The following APC variants were observed in gnomAD, a reference collection of about 807,000 sequenced individuals.
The protein encoded by APC is APC regulator of Wnt signaling pathway, also known as adenomatous polyposis coli protein.
In APC, 72 loss-of-function variants were observed where a neutral mutation model predicts 247.0. The ratio of observed to expected loss-of-function variants is 0.29; its 90% confidence interval spans 0.24 to 0.35. The LOEUF is 0.35. Ranked by LOEUF, APC falls within the 10% of genes least tolerant of loss-of-function variation. The pLI, the probability that APC is intolerant of heterozygous loss-of-function variation, is 1.00. For synonymous variants in APC, 1,254 were observed against 1,162.5 expected (o/e 1.08, Z -1.60); for missense variants, 3,400 against 3,360.7 (o/e 1.01, Z -0.29).
chr5:112,758,620 G>A (rs948343036), intron 2 of APC, among the ~76,000 whole-genome samples: 2 of 147,884 alleles, frequency 1.4e-5, no homozygotes, highest in African/African-American at 5.0e-5. Flanking sequence ...CACCACGCCT[G>A]GCCCCCTCCC....
Position 112,766,385 on chromosome 5 carries a change from G to T in APC, c.195G>T (p.Gln65His). The T allele has an allele frequency of 6.2e-7, 1 of 1,611,952 alleles. No homozygotes were observed. The highest frequency in any genetic ancestry group is 8.5e-7 in the Non-Finnish European group (1 of 1,178,254). Residue 65 changes from glutamine (Q) to histidine (H), a missense_variant, in exon 3 of 16, where the codon CAG becomes CAT. This residue lies in a region of APC where 372 missense variants were observed against 367.6 expected (regional missense o/e 1.01). Coordinates refer to ENST00000257430, the MANE Select transcript of APC (RefSeq NM_000038.6). ...IEDEAMASSG[Q>H]IDLLERLKEL... ...ATGAAGCTATGGCTTCTTCTGGACA[G>T]ATTGATTTATTAGAGCGTCTTAAAG...
At position 112,845,928 on chromosome 5, in the gene APC, C is replaced by G. The variant is rs1766951648; in HGVS notation, c.*1802C>G. 4.3e-6 allele frequency: 1 copy of G among 232,086 alleles called. No individual in the cohort carries two copies. The highest frequency in any genetic ancestry group is 8.5e-6 in the Non-Finnish European group (1 of 117,392). The allele number at this position is 232,086 out of a possible 1,614,324, so 14.4% of individuals were successfully genotyped here. On this transcript the variant is annotated 3_prime_UTR_variant, in exon 16 of 16. Coordinates refer to ENST00000257430, the MANE Select transcript of APC (RefSeq NM_000038.6). ...GGCACTCAGATAGGAGTGAATACAC[C>G]TACCTGGTGCCTTGAAAATCACATC...
chr5:112,712,931 G>A (rs1354828542), intron 1 of APC, among the ~76,000 whole-genome samples: 1 of 152,204 alleles, frequency 6.6e-6, no homozygotes, highest in African/African-American at 2.4e-5. Flanking sequence ...AGCACTTGGG[G>A]AGGCTGAGGC....
chr5:112,813,062 C>A (rs1222911040), intron 8 of APC, among the ~76,000 whole-genome samples: 2 of 152,198 alleles, frequency 1.3e-5, no homozygotes, highest in Non-Finnish European at 2.9e-5. Context: ...CTAGTATTCT[C>A]AGTCCAACCC....
At chr5:112,801,167 A>G (rs1760777677) in intron 7 of APC, 112 bp from the exon 8 acceptor site, 3 of 727,694 alleles carry the variant, frequency 4.1e-6, no homozygotes, top group Non-Finnish European at 7.2e-6. Context: ...TGCCTTTATC[A>G]GTCTGTATAA....
rs878853435 is a variant in APC at position 112,838,699 on chromosome 5, G to A, written c.3105G>A (p.Gln1035=). The A allele has an allele frequency of 6.2e-7, 1 of 1,614,186 alleles. No homozygotes were observed. Among genetic ancestry groups the A allele is most frequent in the Non-Finnish European group, 8.5e-7 (1 of 1,180,020 alleles). ...ATAGTCTTAAATATTCAGATGAGCA[G>A]TTGAACTCTGGAAGGCAAAGTCCTT... ...INYSLKYSDE[Q]LNSGRQSPSQ... is the part of the protein sequence containing the mutation. Residue 1035 remains glutamine (Q), a synonymous_variant, in exon 16 of 16, where the codon CAG becomes CAA. Coordinates refer to ENST00000257430, the MANE Select transcript of APC (RefSeq NM_000038.6).
chr5:112,822,168 A>G (rs545098852), intron 11 of APC, among the ~76,000 whole-genome samples, 177 bp downstream of exon 11: 1 of 152,298 alleles, frequency 6.6e-6, no homozygotes, highest in Non-Finnish European at 1.5e-5. Context: ...CCTGGTTTCC[A>G]GCATAGAAAG....
rs2149924778 is a variant in APC, at chr5:112,840,419, C to A, written c.4825C>A (p.Pro1609Thr). The change falls in exon 16 of 16, where the codon CCA (proline) becomes ACA (threonine). Residue 1609 changes from proline to threonine, a missense_variant. This residue lies in a region of APC where 1,788 missense variants were observed against 1,649.5 expected (regional missense o/e 1.08). Coordinates refer to ENST00000257430, the MANE Select transcript of APC (RefSeq NM_000038.6). The surrounding 1 kb of genome is among the most constrained non-coding windows in gnomAD (Gnocchi z 4.1). ...SKLPPPVARK[P>T]SQLPVYKLLP... Reference sequence around the variant, plus strand: ...ATTACCTCCACCTGTGGCAAGGAAACCAAGTCAGCTGCCTGTGTACAAACT... The same window carrying A: ...ATTACCTCCACCTGTGGCAAGGAAAACAAGTCAGCTGCCTGTGTACAAACT... 6.2e-7 allele frequency: 1 copy of A among 1,614,184 alleles called. No homozygotes were observed. The highest frequency in any genetic ancestry group is 8.5e-7 in the Non-Finnish European group (1 of 1,180,036).
At chr5:112,716,495 C>T (rs1227063502) in intron 1 of APC, among the ~76,000 whole-genome samples, 4 of 152,004 alleles carry the variant, frequency 2.6e-5, no homozygotes, top group Non-Finnish European at 5.9e-5. Context: ...GTATATGGCC[C>T]AGTATATTGT....
Position 112,840,185 on chromosome 5 carries a change from A to C in APC, c.4591A>C (p.Asn1531His), listed in dbSNP as rs771096141. 2 of 1,614,070 alleles carry C rather than the reference A, an allele frequency of 1.2e-6. No individual in the cohort carries two copies. The highest frequency in any genetic ancestry group is 2.2e-5 in the East Asian group (1 of 44,906). Residue 1531 changes from asparagine (N) to histidine (H), a missense_variant, in exon 16 of 16, where the codon AAT becomes CAT. Transcript: ENST00000257430. This position sits in a 1 kb window ranked among gnomAD's most constrained non-coding sequence, Gnocchi z 4.1. ...AAGAATAATGCCTCCAGTTCAGGAA[A>C]ATGACAATGGGAATGAAACAGAATC... ...ELRIMPPVQENDNGNETESEQ... is the reference protein window; with the variant it reads ...ELRIMPPVQEHDNGNETESEQ...
At chr5:112,830,046 C>A (rs1279900747) in intron 14 of APC, 1 of 152,118 alleles carries the variant, frequency 6.6e-6, no homozygotes, top group Non-Finnish European at 1.5e-5. Context: ...CCACAGCCTA[C>A]ATGTTCTTCT....
chr5:112,779,913 C>T (rs1758138059), intron 5 of APC, among the ~76,000 whole-genome samples: 1 of 152,164 alleles, frequency 6.6e-6, no homozygotes, highest in South Asian at 2.1e-4. Context: ...GAATGCCATT[C>T]TGAGTCAGAT....
At position 112,819,282 on chromosome 5, in the gene APC, G is replaced by C. The variant is rs780178612; in HGVS notation, c.1250G>C (p.Cys417Ser). The part of the protein sequence containing the change: ...LHLLEQIRAY[C>S]ETCWEWQEAH... ...CTTTTGGAACAGATACGCGCTTACT[G>C]TGAAACCTGTTGGGAGTGGCAGGAA... Residue 417 changes from cysteine (C) to serine (S), a missense_variant, in exon 10 of 16, where the codon TGT becomes TCT. By Grantham distance (112) the Cys-to-Ser change is moderately radical (BLOSUM62 -1). Coordinates refer to ENST00000257430, the MANE Select transcript of APC (RefSeq NM_000038.6). The C allele has an allele frequency of 1.9e-6, 3 of 1,613,952 alleles. No individual in the cohort carries two copies. The highest frequency in any genetic ancestry group is 1.1e-5 in the South Asian group (1 of 91,090).
rs538291478 is a variant in APC at position 112,836,173 on chromosome 5, C to A, written c.1958+1008C>A. Among the ~76,000 whole-genome samples the A allele has an allele frequency of 1.7e-4, 13 of 74,522 alleles. 1 individual carries two copies. Among genetic ancestry groups the A allele is most frequent in the Admixed American group, 9.7e-4 (8 of 8,230 alleles). 48.9% of individuals were successfully genotyped at this position (74,522 alleles called of 152,430 possible). On this transcript the variant is annotated intron_variant, in intron 15 of 15. Transcript: ENST00000257430. ...GTAGCTGGGATTACAGGTCCCCCCC[C>A]CCCCCCGCCACCGTGCCCGGCTAAT...
chr5:112,735,957 A>G (rs982500816), upstream of APC, among the ~76,000 whole-genome samples: 4 of 152,228 alleles, frequency 2.6e-5, no homozygotes, highest in South Asian at 2.1e-4. Context: ...AGCTTGTATC[A>G]TAGTCTGAGT....
chr5:112,738,080 A>G (rs1752537458), intron 1 of APC, among the ~76,000 whole-genome samples, 155 bp downstream of exon 1: 1 of 152,010 alleles, frequency 6.6e-6, no homozygotes, highest in African/African-American at 2.4e-5. Flanking sequence ...CCCGCCCCCC[A>G]CTGCAGCACT....
chr5:112,744,173 A>G (rs371290283), intron 1 of APC, among the ~76,000 whole-genome samples: 33 of 152,236 alleles, frequency 2.2e-4, no homozygotes, highest in African/African-American at 6.7e-4. Context: ...AACACAGTTC[A>G]ACCCATAACA....
At chr5:112,773,638 A>G (rs1467510361) in intron 4 of APC, among the ~76,000 whole-genome samples, 1 of 152,204 alleles carries the variant, frequency 6.6e-6, no homozygotes, top group Non-Finnish European at 1.5e-5. Flanking sequence ...GAAAATCATA[A>G]TGAAGTGGAA....
chr5:112,751,499 G>C (rs1181605441), intron 1 of APC, among the ~76,000 whole-genome samples: 4 of 151,952 alleles, frequency 2.6e-5, no homozygotes, highest in Non-Finnish European at 5.9e-5. Context: ...ATTTGTTGAA[G>C]TCTACTTTTC....
Sources: gnomAD v4.1 joint callset for allele counts (sites outside exome capture counted in the v4.1 genomes callset) on GRCh38, gnomAD v4.1.1 for gene constraint, gnomAD v4.1.1 regional missense constraint, Gnocchi (gnomAD v3.1) non-coding constraint, MANE v1.5 for transcripts, NCBI Gene and HGNC (gene_info 2026-07-23, HGNC 2026-07-21) for gene names.